Variants in GXYLT2 observed in about 807,000 individuals in gnomAD.
GXYLT2 encodes glucoside xylosyltransferase 2.
In GXYLT2, 53 loss-of-function variants were observed where a neutral mutation model predicts 45.8. The ratio of observed to expected loss-of-function variants is 1.16; its 90% confidence interval spans 0.93 to 1.46. GXYLT2 has a LOEUF of 1.46. GXYLT2 is among the 40% of genes most tolerant of loss of function. The pLI is 0.00. For missense variants in GXYLT2, 551 were observed against 544.4 expected (o/e 1.01, Z -0.12); for synonymous variants, 219 against 214.2 (o/e 1.02, Z -0.19).
intron 2 of GXYLT2, among the ~76,000 whole-genome samples, chr3:72,915,456 G>A (rs929081070): frequency 7.5e-5 from 11 of 146,756 alleles, no homozygotes; most frequent in African/African-American, 1.8e-4. Context: ...GATTTTTTCC[G>A]TGTTGCTCTG....
chr3:72,949,815 A>C (rs1044197663), intron 3 of GXYLT2, among the ~76,000 whole-genome samples: 1 of 151,834 alleles, frequency 6.6e-6, no homozygotes, highest in African/African-American at 2.4e-5. Context: ...GCCCGGCCTC[A>C]TTCTTTCATT....
chr3:72,946,208 T>C (rs572332282), intron 3 of GXYLT2, among the ~76,000 whole-genome samples: 1 of 137,020 alleles, frequency 7.3e-6, no homozygotes, highest in African/African-American at 2.7e-5. Context: ...ACCCAGGAAG[T>C]TGAGGCTGCA....
chr3:72,900,283 G>C, intron 1 of GXYLT2, among the ~76,000 whole-genome samples: 1 of 152,150 alleles, frequency 6.6e-6, no homozygotes, highest in East Asian at 1.9e-4. Context: ...GAGGAAGCAT[G>C]GAAGTTGCTT....
chr3:72,975,034 T>C lies in GXYLT2; in HGVS notation c.1207T>C (p.Leu403=). The C allele has an allele frequency of 6.2e-7, 1 of 1,611,742 alleles. No homozygotes were observed. Among genetic ancestry groups the C allele is most frequent in the South Asian group, 1.1e-5 (1 of 90,790 alleles). The part of the protein sequence containing the change: ...SMYYPLQLKF[L]ETVHTLCGRI... The stretch of plus-strand genomic sequence containing the variant: ...GTATTACCCCCTTCAGCTGAAGTTT[T>C]TGGAGACTGTGCACACTTTATGTGG... Residue 403 remains leucine, a synonymous_variant, in exon 7 of 7, where the codon TTG becomes CTG. Transcript: ENST00000389617.
intron 6 of GXYLT2, among the ~76,000 whole-genome samples, chr3:72,971,550 T>C (rs544510860): frequency 6.6e-6 from 1 of 152,308 alleles, no homozygotes; most frequent in South Asian, 2.1e-4. Context: ...CAGTCAAGTG[T>C]AGATAATAAG....
At chr3:72,944,939 C>T (rs1272909277) in intron 3 of GXYLT2, among the ~76,000 whole-genome samples, 1 of 152,052 alleles carries the variant, frequency 6.6e-6, no homozygotes, top group African/African-American at 2.4e-5. Context: ...AGGATATTCC[C>T]GTGATTGGCA....
chr3:72,908,349 T>C lies in GXYLT2; in HGVS notation c.276-18T>C. The C allele has an allele frequency of 5.1e-6, 8 of 1,563,624 alleles. No individual in the cohort carries two copies. Among genetic ancestry groups the C allele is most frequent in the Non-Finnish European group, 6.9e-6 (8 of 1,159,970 alleles). On this transcript the variant is annotated intron_variant, in intron 1 of 6. Transcript: ENST00000389617. ...TTTGAGTTTAGTAATAGCTTTCACTTGTTTTCCCTCTTTCTAGGAGGCCTG... is the reference window on the plus strand; with the variant it reads ...TTTGAGTTTAGTAATAGCTTTCACTCGTTTTCCCTCTTTCTAGGAGGCCTG...
intron 2 of GXYLT2, among the ~76,000 whole-genome samples, chr3:72,918,997 A>T (rs1709785660): frequency 6.6e-6 from 1 of 152,238 alleles, no homozygotes; most frequent in Non-Finnish European, 1.5e-5. Flanking sequence ...GCTGGTGAGG[A>T]TGTGGAGCAA....
chr3:72,960,630 CTG>C (rs1710749605), intron 5 of GXYLT2, among the ~76,000 whole-genome samples: 1 of 152,216 alleles, frequency 6.6e-6, no homozygotes, highest in South Asian at 2.1e-4. Flanking sequence ...AACTCCCTGA[CTG>C]TCCTTCGTAC....
At chr3:72,962,915 AAG>A (rs762145975) in intron 5 of GXYLT2, among the ~76,000 whole-genome samples, 12 of 151,776 alleles carry the variant, frequency 7.9e-5, no homozygotes, top group Non-Finnish European at 1.8e-4. Context: ...AATAAGGAAA[AAG>A]AGAATGCTAG....
chr3:72,950,417 C>T (rs540020505), intron 3 of GXYLT2, among the ~76,000 whole-genome samples: 50 of 152,144 alleles, frequency 3.3e-4, no homozygotes, highest in Middle Eastern at 6.8e-3. Context: ...GCCGAGATCA[C>T]GCCATTGCAC....
chr3:72,943,361 T>G (rs899433646), intron 3 of GXYLT2, among the ~76,000 whole-genome samples: 3 of 151,744 alleles, frequency 2.0e-5, no homozygotes, highest in Non-Finnish European at 2.9e-5. Flanking sequence ...AGTAATGGTA[T>G]CTGTATTTCT....
At chr3:72,963,610 C>T (rs1710808665) in intron 5 of GXYLT2, among the ~76,000 whole-genome samples, 1 of 150,130 alleles carries the variant, frequency 6.7e-6, no homozygotes, top group Non-Finnish European at 1.5e-5. Context: ...TCAAGTGAGT[C>T]TCCTGCCTTA....
In GXYLT2 at chr3:72,888,352, C is replaced by G. The variant is rs888488893; in HGVS notation, c.119C>G (p.Ala40Gly). ...CCCCCAGCGCTGCCCGCGCGCCCCG[C>G]GTCCGCCCCGCAGCGCCACCCCGCG... is the stretch of plus-strand genomic sequence containing the variant. ...AEPPALPARP[A>G]SAPQRHPAPV... is the part of the protein sequence containing the mutation. Residue 40 changes from alanine (A) to glycine (G), a missense_variant, in exon 1 of 7, where the codon GCG becomes GGG. Transcript: ENST00000389617. 2.0e-6 allele frequency: 2 copies of G among 982,906 alleles called. No individual in the cohort carries two copies. Among genetic ancestry groups the G allele is most frequent in the African/African-American group, 3.5e-5 (2 of 56,688 alleles). 60.9% of individuals were successfully genotyped at this position (982,906 alleles called of 1,614,324 possible).
intron 6 of GXYLT2, among the ~76,000 whole-genome samples, chr3:72,968,505 G>A (rs1395861218): frequency 1.3e-5 from 2 of 152,238 alleles, no homozygotes; most frequent in Admixed American, 6.5e-5. Flanking sequence ...CTGCAGAAGT[G>A]CATGCAAGCA....
At chr3:72,907,309 C>T (rs1031763808) in intron 1 of GXYLT2, among the ~76,000 whole-genome samples, 12 of 152,204 alleles carry the variant, frequency 7.9e-5, no homozygotes, top group African/African-American at 2.9e-4. Context: ...TTCAACTTTC[C>T]TCCTGGTGAA....
chr3:72,921,874 A>G (rs1709838636), intron 2 of GXYLT2, among the ~76,000 whole-genome samples: 1 of 145,014 alleles, frequency 6.9e-6, no homozygotes, highest in Non-Finnish European at 1.5e-5. Context: ...GTTATTACAA[A>G]CTAGGTTGTG....
rs753117485 is a variant in GXYLT2 at position 72,967,691 on chromosome 3, T to G, written c.1121T>G (p.Phe374Cys). The G allele has an allele frequency of 1.9e-6, 3 of 1,613,744 alleles. No individual in the cohort carries two copies. Among genetic ancestry groups the G allele is most frequent in the Non-Finnish European group, 1.7e-6 (2 of 1,179,848 alleles). The change falls in exon 6 of 7, where the codon TTC becomes TGC. Residue 374 changes from phenylalanine to cysteine, a missense_variant. Physicochemically the swap from Phe to Cys is radical, Grantham distance 205. Transcript: ENST00000389617. Reference protein sequence around the residue: ...GVYHDDKQPTFRALYEAIRDF... With the variant: ...GVYHDDKQPTCRALYEAIRDF... ...TACCATGACGATAAGCAACCAACGT[T>G]CAGAGCACTCTATGAAGCAATACGG... is the stretch of plus-strand genomic sequence containing the variant.
chr3:72,952,173 T>C (rs1288005943), intron 3 of GXYLT2, among the ~76,000 whole-genome samples: 1 of 151,984 alleles, frequency 6.6e-6, no homozygotes, highest in Non-Finnish European at 1.5e-5. Context: ...CGGCTAATTT[T>C]TGTATTTTTA....
Sources: allele counts gnomAD v4.1 joint callset (sites outside exome capture counted in the v4.1 genomes callset), GRCh38; gene constraint gnomAD v4.1.1; transcripts MANE v1.5; gene names NCBI Gene and HGNC (gene_info 2026-07-23, HGNC 2026-07-21).